CCDC154: variants seen among roughly 807,000 people sequenced by gnomAD.
CCDC154 encodes coiled-coil domain-containing protein 154.
CCDC154 carries 91 observed loss-of-function variants against 87.5 expected under a neutral mutation model. The ratio of observed to expected loss-of-function variants is 1.04; its 90% CI spans 0.88 to 1.24. The LOEUF is 1.24. Ranked by LOEUF, CCDC154 falls within the 50% of genes most tolerant of loss-of-function variation. CCDC154 has a pLI of 0.00. For synonymous variants in CCDC154, 418 were observed against 400.4 expected, an observed-to-expected ratio of 1.04 and a Z score of -0.52; for missense variants, 903 against 879.2, an observed-to-expected ratio of 1.03 and a Z score of -0.34.
intron 11 of CCDC154, 49 bp from the exon 12 acceptor site, chr16:1,436,860 G>A (rs924866218): frequency 7.8e-6 from 12 of 1,546,216 alleles, no homozygotes; most frequent in African/African-American, 2.7e-5. Flanking sequence ...AGGGGGGACA[G>A]ACAGATGGAA....
chr16:1,442,970 A>G lies in CCDC154; in HGVS notation c.461T>C (p.Val154Ala). 1 of 1,549,516 alleles carries G rather than the reference A, an allele frequency of 6.5e-7. No individual in the cohort carries two copies. Among genetic ancestry groups the G allele is most frequent in the Non-Finnish European group, 8.7e-7 (1 of 1,146,600 alleles). The change falls in exon 5 of 17, where the codon GTG becomes GCG. Residue 154 changes from valine to alanine, a missense_variant. By Grantham distance (64) the Val-to-Ala change is moderately conservative. Coordinates refer to ENST00000389176, the MANE Select transcript of CCDC154 (RefSeq NM_001143980.3). ...CCGGGTCAAGGCTTCCCGGACCTCC[A>G]CCAGCCTGGGACACAACAAGCCATT... is the stretch of plus-strand genomic sequence containing the variant. The part of the protein sequence containing the change: ...NQMQALDKRL[V>A]EVREALTRLR...
At chr16:1,435,008 G>C in intron 15 of CCDC154, 81 bp downstream of exon 15, 1 of 1,456,516 alleles carries the variant, frequency 6.9e-7, no homozygotes, top group East Asian at 2.5e-5. Context: ...ACTGGCGCCT[G>C]CAGCAGGGCA....
intron 13 of CCDC154, 136 bp downstream of exon 13, chr16:1,436,309 G>A: frequency 2.2e-6 from 2 of 898,132 alleles, no homozygotes; most frequent in East Asian, 2.6e-5. Flanking sequence ...TGAGCCCGGT[G>A]CTGGGCCAGG....
At position 1,435,153 on chromosome 16, in the gene CCDC154, A is replaced by G. The variant is rs1489612325; in HGVS notation, c.1628T>C (p.Leu543Pro). 2 of 1,550,430 alleles carry G rather than the reference A, an allele frequency of 1.3e-6. No individual in the cohort carries two copies. The highest frequency in any genetic ancestry group is 1.2e-5 in the South Asian group (1 of 84,072). Reference sequence around the variant, plus strand: ...CTTGTTGGCCTGGACGCAGTTTTCCAGCTTCATTATTTGGTTCTGAAACTA... The same window carrying G: ...CTTGTTGGCCTGGACGCAGTTTTCCGGCTTCATTATTTGGTTCTGAAACTA... Reference protein sequence around the residue: ...LATFQNQIMKLENCVQANKTI... With the variant: ...LATFQNQIMKPENCVQANKTI... The change falls in exon 15 of 17, where the codon CTG (leucine) becomes CCG (proline). Residue 543 changes from leucine to proline, a missense_variant. Transcript: ENST00000389176.
rs1300103321 is a variant in CCDC154, at chr16:1,435,351, C to G, written c.1606-176G>C. ...AGGACAAGCTCCGCTGAGGAAGCGG[C>G]AGCCTGAGAGTGGCCCTGCGGGGAC... On this transcript the variant is annotated intron_variant, in intron 14 of 16. Coordinates refer to ENST00000389176, the MANE Select transcript of CCDC154 (RefSeq NM_001143980.3). 40 of 641,742 alleles carry G rather than the reference C, an allele frequency of 6.2e-5. No individual in the cohort carries two copies. In the East Asian group the frequency reaches 8.2e-4, roughly 13 times the overall value. 39.8% of individuals were successfully genotyped at this position (641,742 alleles called of 1,614,324 possible).
chr16:1,443,128 G>A, intron 4 of CCDC154, 133 bp downstream of exon 4: 4 of 1,369,956 alleles, frequency 2.9e-6, no homozygotes, highest in South Asian at 2.6e-5. Context: ...GCCTTTTCTA[G>A]CTGGACCTGG....
At chr16:1,442,366 C>A (rs1469484614) in intron 6 of CCDC154, 40 bp downstream of exon 6, 2 of 1,518,958 alleles carry the variant, frequency 1.3e-6, no homozygotes. Context: ...TCCTCCTCGG[C>A]CCTCTGGGCG....
chr16:1,436,059 C>A lies in CCDC154; in HGVS notation c.1515G>T (p.Gln505His). ...AREFKVGALR[Q>H]ELATLLSSVQ... ...CGGATGATAGTAGCGTGGCCAGCTC[C>A]TGCCGCAGGGCCCCAACCTTGAACT... The change falls in exon 14 of 17, where the codon CAG becomes CAT. Residue 505 changes from glutamine to histidine, a missense_variant. Transcript: ENST00000389176. 6.5e-7 allele frequency: 1 copy of A among 1,550,364 alleles called. No homozygotes were observed. The highest frequency in any genetic ancestry group is 8.7e-7 in the Non-Finnish European group (1 of 1,146,892).
At position 1,443,610 on chromosome 16, in the gene CCDC154, G is replaced by A; in HGVS notation, c.310C>T (p.Leu104=). 2 of 1,429,760 alleles carry A rather than the reference G, an allele frequency of 1.4e-6. No individual in the cohort carries two copies. Among genetic ancestry groups the A allele is most frequent in the Non-Finnish European group, 1.8e-6 (2 of 1,084,558 alleles). 88.6% of individuals were successfully genotyped at this position (1,429,760 alleles called of 1,614,324 possible). A position where few individuals can be genotyped will look rare whatever the true frequency, so the allele number is the denominator to read the frequency against. ...ERATRSLLRE[L]LQVRARVQLQ... is the part of the protein sequence containing the mutation. ...TGCACGCGGGCCCGCACCTGGAGCA[G>A]CTCCCGCAGCAGGCTCCGCGTGGCG... Residue 104 remains leucine (L), a synonymous_variant, in exon 3 of 17, where the codon CTG becomes TTG. Coordinates refer to ENST00000389176, the MANE Select transcript of CCDC154 (RefSeq NM_001143980.3).
chr16:1,444,155 G>A (rs1026213886), intron 1 of CCDC154, 143 bp from the exon 2 acceptor site: 71 of 1,019,746 alleles, frequency 7.0e-5, no homozygotes, highest in South Asian at 3.6e-4. Context: ...GGATCCAGAC[G>A]GGCTTGGCTC....
At chr16:1,439,827 G>A (rs1596204380) in intron 6 of CCDC154, among the ~76,000 whole-genome samples, 2 of 152,222 alleles carry the variant, frequency 1.3e-5, no homozygotes, top group South Asian at 2.1e-4. Context: ...TTGACAACAT[G>A]TAAAAAATGT....
At chr16:1,435,279 A>G in intron 14 of CCDC154, 104 bp from the exon 15 acceptor site, 1 of 978,204 alleles carries the variant, frequency 1.0e-6, no homozygotes, top group Non-Finnish European at 1.6e-6. Flanking sequence ...CAGCTTGGGC[A>G]GGGGCCACCT....
chr16:1,439,232 A>C, intron 6 of CCDC154, 106 bp from the exon 7 acceptor site: 2 of 1,019,342 alleles, frequency 2.0e-6, no homozygotes, highest in Non-Finnish European at 1.4e-6. Flanking sequence ...GCTGTCCCCA[A>C]GCCCTGAGCC....
Position 1,443,513 on chromosome 16 carries a change from G to T in CCDC154, c.407C>A (p.Ala136Glu). Residue 136 changes from alanine to glutamate, a missense_variant, in exon 3 of 17, where the codon GCG (alanine) becomes GAG (glutamate). Ala to Glu is a moderately radical substitution (Grantham distance 107, BLOSUM62 -1). Transcript: ENST00000389176. Reference sequence around the variant, plus strand: ...GGTGGGGGAGCCGCTCACCTCCGGCGCCTCCTTTTCGGGGGCCTGGGCTGC... The same window carrying T: ...GGTGGGGGAGCCGCTCACCTCCGGCTCCTCCTTTTCGGGGGCCTGGGCTGC... Reference protein sequence around the residue: ...RPAAQAPEKEAPEFSGLQNQM... With the variant: ...RPAAQAPEKEEPEFSGLQNQM... The T allele has an allele frequency of 6.8e-7, 1 of 1,471,190 alleles. No individual in the cohort carries two copies. Among genetic ancestry groups the T allele is most frequent in the South Asian group, 1.4e-5 (1 of 73,490 alleles). 91.1% of individuals were successfully genotyped at this position (1,471,190 alleles called of 1,614,324 possible).
At chr16:1,441,887 G>A (rs1033222481) in intron 6 of CCDC154, among the ~76,000 whole-genome samples, 18 of 152,054 alleles carry the variant, frequency 1.2e-4, no homozygotes, top group Admixed American at 2.6e-4. Context: ...ATTTACAGGC[G>A]TGTGCCACTG....
rs1226865163 is a variant in CCDC154 at position 1,435,139 on chromosome 16, G to C, written c.1642C>G (p.Gln548Glu). The change falls in exon 15 of 17, where the codon CAG (glutamine) becomes GAG (glutamate). Residue 548 changes from glutamine (Q) to glutamate (E), a missense_variant. Transcript: ENST00000389176. ...NQIMKLENCV[Q>E]ANKTIQNLRF... ...AGGTTCTGGATGGTCTTGTTGGCCT[G>C]GACGCAGTTTTCCAGCTTCATTATT... 1 of 1,550,314 alleles carries C rather than the reference G, an allele frequency of 6.5e-7. No individual in the cohort carries two copies. The highest frequency in any genetic ancestry group is 1.4e-5 in the African/African-American group (1 of 73,040).
At chr16:1,438,334 C>T in intron 9 of CCDC154, 158 bp from the exon 10 acceptor site, 1 of 949,616 alleles carries the variant, frequency 1.1e-6, no homozygotes, top group Non-Finnish European at 1.5e-6. Context: ...CGGGTTCACT[C>T]CCCATGGCCA....
chr16:1,439,408 AG>A, intron 6 of CCDC154: 1 of 459,968 alleles, frequency 2.2e-6, no homozygotes, highest in Admixed American at 3.8e-5. Context: ...TGCCCAGGGA[AG>A]GCCCCCCAGC....
rs1341351306 is a variant in CCDC154 at position 1,444,465 on chromosome 16, C to G, written c.-143G>C. 1.1e-5 allele frequency: 9 copies of G among 836,694 alleles called. No homozygotes were observed. In the South Asian group the frequency reaches 1.5e-4, roughly 14 times the overall value. 51.8% of individuals were successfully genotyped at this position (836,694 alleles called of 1,614,324 possible). A position where few individuals can be genotyped will look rare whatever the true frequency, so the allele number is the denominator to read the frequency against. On this transcript the variant is annotated 5_prime_UTR_variant, in exon 1 of 17. Transcript: ENST00000389176. ...AGAGCTCTGGGCCTTGAGGGACGAG[C>G]TGCTGCCCTCGTCTGGCTGCCTTCT... is the stretch of plus-strand genomic sequence containing the variant.
Sources: allele counts gnomAD v4.1 joint callset (sites outside exome capture counted in the v4.1 genomes callset), GRCh38; gene constraint gnomAD v4.1.1; transcripts MANE v1.5; gene names NCBI Gene and HGNC (gene_info 2026-07-23, HGNC 2026-07-21).